JMJD1C: variants seen among roughly 807,000 people sequenced by gnomAD.
JMJD1C encodes the protein jumonji domain containing 1C, also known as jumonji domain-containing protein 1C.
JMJD1C carries 31 observed loss-of-function variants against 245.3 expected under a neutral mutation model. The ratio of observed to expected loss-of-function variants is 0.13; its 90% confidence interval spans 0.09 to 0.17. The LOEUF (loss-of-function observed/expected upper bound fraction) is 0.17, where lower values mean the gene tolerates loss of function less well. Among genes scored for constraint, JMJD1C ranks in the 10% least tolerant of loss-of-function variants. JMJD1C has a pLI of 1.00. For synonymous variants in JMJD1C, 1,057 were observed against 1,017.4 expected (o/e 1.04, Z -0.74); for missense variants, 2,691 against 3,000.2 (o/e 0.90, Z 2.41).
intron 2 of JMJD1C, among the ~76,000 whole-genome samples, chr10:63,329,356 A>G (rs376357741): frequency 1.3e-4 from 20 of 152,056 alleles, no homozygotes; most frequent in African/African-American, 4.3e-4. Flanking sequence ...AAATTCCTAA[A>G]AGGTATTTTG....
chr10:63,387,504 T>C (rs1947700243), intron 1 of JMJD1C, among the ~76,000 whole-genome samples: 2 of 151,148 alleles, frequency 1.3e-5, no homozygotes, highest in Admixed American at 6.6e-5. Context: ...CGGGACCTGA[T>C]GTATTCATCG....
At chr10:63,382,817 T>G in intron 1 of JMJD1C, 1 of 456,068 alleles carries the variant, frequency 2.2e-6, no homozygotes, top group Non-Finnish European at 4.4e-6. Flanking sequence ...GAGTTTCCAT[T>G]TCCACTTATT....
intron 1 of JMJD1C, among the ~76,000 whole-genome samples, chr10:63,403,887 G>A (rs1180779650): frequency 6.6e-6 from 1 of 152,048 alleles, no homozygotes; most frequent in Non-Finnish European, 1.5e-5. Context: ...AGTGAGCCGA[G>A]ATTGCGCCAC....
chr10:63,471,716 T>C (rs1228880490), intron 1 of JMJD1C, among the ~76,000 whole-genome samples: 4 of 152,162 alleles, frequency 2.6e-5, no homozygotes, highest in African/African-American at 9.7e-5. Flanking sequence ...TTCCTCTGCT[T>C]TCCAAGTTTG....
chr10:63,399,904 A>G (rs1320151815), intron 1 of JMJD1C, among the ~76,000 whole-genome samples: 1 of 152,044 alleles, frequency 6.6e-6, no homozygotes, highest in Non-Finnish European at 1.5e-5. Context: ...TGTTCCCTAT[A>G]ATAAATTAGT....
At chr10:63,266,755 T>A (rs1410539058) in intron 2 of JMJD1C, among the ~76,000 whole-genome samples, 1 of 152,120 alleles carries the variant, frequency 6.6e-6, no homozygotes, top group Non-Finnish European at 1.5e-5. Flanking sequence ...ACAATTCAAT[T>A]AAGTAGGATT....
Position 63,209,111 on chromosome 10 carries a change from G to A in JMJD1C, c.2819C>T (p.Ala940Val). The change falls in exon 9 of 26, where the codon GCC (alanine) becomes GTC (valine). Residue 940 changes from alanine (A) to valine (V), a missense_variant. Physicochemically the swap from Ala to Val is moderately conservative, Grantham distance 64 (BLOSUM62 0). Transcript: ENST00000399262. ...TTTTGTCAATGGTGGACTGGAATGGGCTGTAATTTTAAGAGGCCGATGAGG... is the reference window on the plus strand; with the variant it reads ...TTTTGTCAATGGTGGACTGGAATGGACTGTAATTTTAAGAGGCCGATGAGG... The part of the protein sequence containing the change: ...AEPHRPLKIT[A>V]HSSPPLTKTL... 1.2e-6 allele frequency: 2 copies of A among 1,613,910 alleles called. No homozygotes were observed. The highest frequency in any genetic ancestry group is 1.7e-6 in the Non-Finnish European group (2 of 1,179,836).
Position 63,512,272 on chromosome 10 carries a change from T to C in JMJD1C, n.113+9466A>G, listed in dbSNP as rs578104776. Among the ~76,000 whole-genome samples, 152 of 150,962 alleles carry C rather than the reference T, an allele frequency of 1.0e-3. 1 individual carries two copies. The highest frequency in any genetic ancestry group is 3.6e-3 in the African/African-American group (147 of 41,290). ...AGATTCAAGCTTCTGACCTATATTA[T>C]TTTCCTTCTCTCTGAACTTTTTTTT... is the stretch of plus-strand genomic sequence containing the variant. On this transcript the variant is annotated intron_variant and non_coding_transcript_variant, in intron 1 of 3. Coordinates refer to the JMJD1C transcript ENST00000633035.
intron 1 of JMJD1C, among the ~76,000 whole-genome samples, chr10:63,393,949 G>C (rs1279030892): frequency 2.0e-5 from 3 of 152,176 alleles, no homozygotes; most frequent in South Asian, 4.1e-4. Flanking sequence ...CAGAGGCCAA[G>C]GCAGGCAGAT....
intron 1 of JMJD1C, among the ~76,000 whole-genome samples, chr10:63,503,054 T>C (rs939017003): frequency 6.6e-6 from 1 of 152,210 alleles, no homozygotes; most frequent in African/African-American, 2.4e-5. Flanking sequence ...GTCTTAAAGC[T>C]AAATGATCCA....
chr10:63,267,098 G>C (rs10995485), intron 2 of JMJD1C, among the ~76,000 whole-genome samples: 2,471 of 152,176 alleles, frequency 0.016, 33 homozygotes, highest in Non-Finnish European at 0.025. Flanking sequence ...CTCTTACAAG[G>C]ACATGAGTAC....
intron 1 of JMJD1C, among the ~76,000 whole-genome samples, chr10:63,516,202 T>C (rs904013977): frequency 2.0e-5 from 3 of 148,440 alleles, no homozygotes; most frequent in Admixed American, 6.7e-5. Flanking sequence ...TAAATATCTA[T>C]TAATAATTGG....
At chr10:63,363,030 G>A (rs910878847) in intron 2 of JMJD1C, among the ~76,000 whole-genome samples, 1 of 151,910 alleles carries the variant, frequency 6.6e-6, no homozygotes, top group African/African-American at 2.4e-5. Flanking sequence ...GGACGTAACT[G>A]GTTGACATGA....
intron 2 of JMJD1C, among the ~76,000 whole-genome samples, chr10:63,292,562 G>A (rs1042477494): frequency 6.6e-6 from 1 of 152,056 alleles, no homozygotes; most frequent in African/African-American, 2.4e-5. Context: ...AACGAGCCGA[G>A]ATCACGCCAC....
intron 2 of JMJD1C, among the ~76,000 whole-genome samples, chr10:63,320,552 A>C (rs1206978887): frequency 3.3e-5 from 5 of 152,192 alleles, no homozygotes; most frequent in African/African-American, 9.6e-5. Flanking sequence ...AGAAAACTAC[A>C]ATCTCTCATC....
intron 1 of JMJD1C, among the ~76,000 whole-genome samples, chr10:63,431,404 C>T (rs1950737816): frequency 6.6e-6 from 1 of 152,100 alleles, no homozygotes; most frequent in African/African-American, 2.4e-5. Context: ...GAAAATGAGG[C>T]CAACCTATGG....
At chr10:63,474,643 G>C (rs933501946) in intron 1 of JMJD1C, among the ~76,000 whole-genome samples, 1 of 151,768 alleles carries the variant, frequency 6.6e-6, no homozygotes. Flanking sequence ...TAGAGACGAC[G>C]GTCTCACTAT....
rs774010479 is a variant in JMJD1C, at chr10:63,208,517, C to A, written c.3152G>T (p.Arg1051Ile). Residue 1051 changes from arginine (R) to isoleucine (I), a missense_variant, in exon 10 of 26, where the codon AGA becomes ATA. Transcript: ENST00000399262. Reference protein sequence around the residue: ...GLEGERENYSRVASSSSSPKS... With the variant: ...GLEGERENYSIVASSSSSPKS... ...AGGACTGGAAGATGATGATGCCACT[C>A]TGGAATAATTCTCTCTCTCACCCTC... 1.9e-6 allele frequency: 3 copies of A among 1,614,076 alleles called. No homozygotes were observed. The highest frequency in any genetic ancestry group is 2.5e-6 in the Non-Finnish European group (3 of 1,179,974).
At chr10:63,508,688 G>A (rs553121370) in intron 1 of JMJD1C, among the ~76,000 whole-genome samples, 2 of 152,110 alleles carry the variant, frequency 1.3e-5, no homozygotes, top group African/African-American at 4.8e-5. Context: ...CATAGATCTT[G>A]TATATATTTT....
Sources: gnomAD v4.1 joint callset for allele counts (sites outside exome capture counted in the v4.1 genomes callset) on GRCh38, gnomAD v4.1.1 for gene constraint, MANE v1.5 for transcripts, NCBI Gene and HGNC (gene_info 2026-07-23, HGNC 2026-07-21) for gene names.